Variants in ZNF577 observed in about 807,000 individuals in gnomAD.
ZNF577 encodes zinc finger protein 577.
Under a neutral mutation model 13.9 loss-of-function variants are expected in ZNF577, and 14 were observed. The observed-to-expected ratio is 1.00, with a 90% CI of 0.66 to 1.57. The LOEUF is 1.57. ZNF577 is among the 40% of genes most tolerant of loss of function. ZNF577 has a pLI of 0.00. For missense variants in ZNF577, 555 were observed against 579.2 expected (o/e 0.96, Z 0.43); for synonymous variants, 203 against 202.9 (o/e 1.00, Z 0.00).
chr19:51,878,561 G>A, intron 3 of ZNF577, 46 bp from the exon 4 acceptor site: 1 of 1,608,434 alleles, frequency 6.2e-7, no homozygotes, highest in Non-Finnish European at 8.5e-7. Flanking sequence ...AACAATAGAT[G>A]ATGCGGAGAA....
chr19:51,849,212 T>C (rs1342891593), intron 5 of ZNF577, among the ~76,000 whole-genome samples: 1 of 152,204 alleles, frequency 6.6e-6, no homozygotes, highest in Non-Finnish European at 1.5e-5. Flanking sequence ...ACAAAATAGG[T>C]TGCGCATACA....
intron 9 of ZNF577, among the ~76,000 whole-genome samples, chr19:51,822,077 G>A (rs557635353): frequency 6.6e-6 from 1 of 152,278 alleles, no homozygotes; most frequent in South Asian, 2.1e-4. Flanking sequence ...AAGCAAATTT[G>A]GTCAAGTGGC....
intron 5 of ZNF577, among the ~76,000 whole-genome samples, chr19:51,855,367 CTGTGTG>C (rs55937420): frequency 0.024 from 3,412 of 143,528 alleles, 66 homozygotes; most frequent in Admixed American, 0.053. Flanking sequence ...GCTGAGGGTG[CTGTGTG>C]TGTGTGTGTG....
rs1224820758 is a variant in ZNF577, at chr19:51,880,387, T to C, written c.-5A>G. 2 of 1,614,000 alleles carry C rather than the reference T, an allele frequency of 1.2e-6. No homozygotes were observed. The highest frequency in any genetic ancestry group is 2.7e-5 in the African/African-American group (2 of 74,918). ...TACAATCGTGGCATTTTTCATGTGT[T>C]TCCTGTTATTTCAGCTGCCAAAAAA... On this transcript the variant is annotated 5_prime_UTR_variant, in exon 3 of 6. Coordinates refer to ENST00000638348, the MANE Select transcript of ZNF577 (RefSeq NM_001370449.1).
At chr19:51,806,334 TC>T (rs1568428064) in intron 10 of ZNF577, among the ~76,000 whole-genome samples, 1 of 152,222 alleles carries the variant, frequency 6.6e-6, no homozygotes, top group Non-Finnish European at 1.5e-5. Flanking sequence ...CTTCCCCATG[TC>T]AGTAAATCCA....
intron 5 of ZNF577, among the ~76,000 whole-genome samples, chr19:51,854,148 G>T (rs989432837): frequency 7.2e-5 from 11 of 152,110 alleles, no homozygotes; most frequent in African/African-American, 2.4e-4. Context: ...TTGGTTGCTT[G>T]TTTTCTGTGT....
chr19:51,883,612 AAAG>A (rs2084898295), intron 1 of ZNF577, among the ~76,000 whole-genome samples: 1 of 147,898 alleles, frequency 6.8e-6, no homozygotes, highest in African/African-American at 2.5e-5. Context: ...CAAAAAAAAC[AAAG>A]AAAAAAAAAG....
downstream of ZNF577, among the ~76,000 whole-genome samples, chr19:51,865,015 T>C (rs949685507): frequency 6.6e-6 from 1 of 152,254 alleles, no homozygotes; most frequent in Admixed American, 6.5e-5. Context: ...TTCTCAGCTC[T>C]TCACATAAAT....
At chr19:51,878,953 A>G (rs1261288772) in intron 3 of ZNF577, 1 of 155,752 alleles carries the variant, frequency 6.4e-6, no homozygotes, top group Admixed American at 6.2e-5. Context: ...GATCTAAGAC[A>G]TATTTTAAAA....
intron 9 of ZNF577, among the ~76,000 whole-genome samples, chr19:51,814,966 C>T (rs552662303): frequency 1.9e-4 from 29 of 151,944 alleles, no homozygotes; most frequent in African/African-American, 5.8e-4. Context: ...CCTGCCACCA[C>T]GTCTGGCTAA....
rs916071288 is a variant in ZNF577, at chr19:51,868,712, G to A, written c.*3820C>T. ...CAGATAGAATTCACTCATGTGTGTGGGGGAAAGAAAGATAGATCAGACTGC... is the reference window on the plus strand; with the variant it reads ...CAGATAGAATTCACTCATGTGTGTGAGGGAAAGAAAGATAGATCAGACTGC... On this transcript the variant is annotated 3_prime_UTR_variant, in exon 6 of 6. Transcript: ENST00000638348. Among the ~76,000 whole-genome samples, 12 of 152,182 alleles carry A rather than the reference G, an allele frequency of 7.9e-5. No individual in the cohort carries two copies. Among genetic ancestry groups the A allele is most frequent in the Non-Finnish European group, 1.6e-4 (11 of 68,046 alleles).
chr19:51,817,616 G>A (rs972980445), intron 9 of ZNF577: 1 of 151,386 alleles, frequency 6.6e-6, no homozygotes, highest in African/African-American at 2.4e-5. Flanking sequence ...GCTTTCTTTA[G>A]CCCTCCTCTC....
rs746279537 is a variant in ZNF577 at position 51,824,013 on chromosome 19, G to C, written c.*600-12339C>G. The C allele has an allele frequency of 1.2e-6, 2 of 1,614,070 alleles. No homozygotes were observed. Among genetic ancestry groups the C allele is most frequent in the East Asian group, 4.5e-5 (2 of 44,870 alleles). On this transcript the variant is annotated intron_variant and NMD_transcript_variant, in intron 9 of 10. Coordinates refer to the ZNF577 transcript ENST00000638827. The surrounding 1 kb of genome is among the most constrained non-coding windows in gnomAD (Gnocchi z 4.7). ...CCGAATGGTCTCAGTCGCCATGAGAGAAAAATGGCCTTTTGGCTCATTCCT... is the reference window on the plus strand; with the variant it reads ...CCGAATGGTCTCAGTCGCCATGAGACAAAAATGGCCTTTTGGCTCATTCCT...
At chr19:51,843,053 C>A (rs17835105) in intron 7 of ZNF577, 1 of 151,902 alleles carries the variant, frequency 6.6e-6, no homozygotes, top group South Asian at 2.1e-4. Flanking sequence ...GGTCACTGTA[C>A]GATTATAAAG....
intron 1 of ZNF577, among the ~76,000 whole-genome samples, chr19:51,882,885 T>C (rs1046762427): frequency 3.3e-5 from 5 of 151,972 alleles, no homozygotes; most frequent in Non-Finnish European, 5.9e-5. Context: ...TTGGGAGGAA[T>C]GAAGCAGGGA....
chr19:51,829,385 T>C (rs1279188238), intron 9 of ZNF577, among the ~76,000 whole-genome samples: 1 of 148,858 alleles, frequency 6.7e-6, no homozygotes, highest in African/African-American at 2.5e-5. Flanking sequence ...ACAGCAGTCC[T>C]GTGCACAGAT....
At chr19:51,812,944 A>C (rs897992227) in intron 9 of ZNF577, among the ~76,000 whole-genome samples, 2 of 152,090 alleles carry the variant, frequency 1.3e-5, no homozygotes, top group African/African-American at 4.8e-5. Flanking sequence ...AACATGGTGA[A>C]ACTCTGTCTC....
intron 9 of ZNF577, among the ~76,000 whole-genome samples, chr19:51,836,408 G>A (rs558882341): frequency 1.4e-4 from 21 of 152,216 alleles, no homozygotes; most frequent in Non-Finnish European, 2.2e-4. Context: ...ATATTCTGAC[G>A]GGGGTAAGAT....
chr19:51,851,488 A>G (rs1327703454), intron 5 of ZNF577, among the ~76,000 whole-genome samples: 1 of 152,218 alleles, frequency 6.6e-6, no homozygotes, highest in African/African-American at 2.4e-5. Flanking sequence ...TATTCTTTCA[A>G]CTTTCCCATA....
Sources: gnomAD v4.1 joint callset for allele counts (sites outside exome capture counted in the v4.1 genomes callset) on GRCh38, gnomAD v4.1.1 for gene constraint, Gnocchi (gnomAD v3.1) non-coding constraint, MANE v1.5 for transcripts, NCBI Gene and HGNC (gene_info 2026-07-23, HGNC 2026-07-21) for gene names.